MALRD1: variants seen among roughly 807,000 people sequenced by gnomAD.
MALRD1 encodes MAM and LDL-receptor class A domain-containing protein 1.
Under a neutral mutation model 242.1 loss-of-function variants are expected in MALRD1, and 247 were observed. That is an observed-to-expected ratio of 1.02 (90% confidence interval 0.92 to 1.13). The LOEUF (loss-of-function observed/expected upper bound fraction) is 1.13. MALRD1 is among the 50% of genes most tolerant of loss of function. The pLI is 0.00. For missense variants in MALRD1, 2,989 were observed against 2,533.1 expected, an observed-to-expected ratio of 1.18 and a Z score of -3.86; for synonymous variants, 995 against 866.6, an observed-to-expected ratio of 1.15 and a Z score of -2.60.
chr10:19,096,134 T>C (rs1836022786), intron 4 of MALRD1, among the ~76,000 whole-genome samples: 1 of 152,180 alleles, frequency 6.6e-6, no homozygotes. Flanking sequence ...GAGTGTTGAG[T>C]AGAGCTGGAA....
chr10:19,204,662 T>C (rs1460208789), intron 16 of MALRD1, among the ~76,000 whole-genome samples: 1 of 152,214 alleles, frequency 6.6e-6, no homozygotes, highest in East Asian at 1.9e-4. Flanking sequence ...TTAAGATTTC[T>C]TCCTCTTGTT....
intron 38 of MALRD1, among the ~76,000 whole-genome samples, chr10:19,729,893 C>A (rs576552296): frequency 6.6e-6 from 1 of 151,358 alleles, no homozygotes; most frequent in African/African-American, 2.4e-5. Flanking sequence ...CCCGCCACCA[C>A]GCCCGGCTAA....
At chr10:19,551,550 G>A (rs1835469839) in intron 32 of MALRD1, among the ~76,000 whole-genome samples, 1 of 152,130 alleles carries the variant, frequency 6.6e-6, no homozygotes, top group African/African-American at 2.4e-5. Flanking sequence ...CGCCTGCAAA[G>A]AGGGGTAATT....
chr10:19,304,793 C>T (rs1269547149), intron 21 of MALRD1, among the ~76,000 whole-genome samples: 1 of 151,634 alleles, frequency 6.6e-6, no homozygotes, highest in African/African-American at 2.4e-5. Context: ...TTTCTTGAAG[C>T]TTCATATTTA....
chr10:19,373,926 T>C (rs1023106163), intron 26 of MALRD1, among the ~76,000 whole-genome samples: 2 of 152,184 alleles, frequency 1.3e-5, no homozygotes, highest in Non-Finnish European at 2.9e-5. Context: ...ACTGGTCTGT[T>C]TCTCTCTCAC....
intron 31 of MALRD1, among the ~76,000 whole-genome samples, chr10:19,527,061 T>A (rs940637533): frequency 1.3e-5 from 2 of 152,198 alleles, no homozygotes; most frequent in African/African-American, 4.8e-5. Flanking sequence ...TATTACTGTT[T>A]CCATCTGTGT....
At chr10:19,234,075 C>A (rs1838197361) in intron 18 of MALRD1, among the ~76,000 whole-genome samples, 2 of 151,752 alleles carry the variant, frequency 1.3e-5, no homozygotes, top group African/African-American at 4.8e-5. Context: ...GAAATAGTAT[C>A]AAGACAGGAG....
chr10:19,512,269 A>T (rs1833438064), intron 31 of MALRD1, among the ~76,000 whole-genome samples: 1 of 152,146 alleles, frequency 6.6e-6, no homozygotes, highest in East Asian at 1.9e-4. Flanking sequence ...GCAATATTTC[A>T]TCATTTATAA....
Position 19,428,796 on chromosome 10 carries a change from G to A in MALRD1, c.4846-21511G>A, listed in dbSNP as rs1834003633. The stretch of plus-strand genomic sequence containing the variant: ...ATCCCATTTTGTATTTTCAGAATAA[G>A]ATGAAATTAGCTGTAGACTCTTTTA... On this transcript the variant is annotated intron_variant, in intron 28 of 39. Coordinates refer to ENST00000454679, the MANE Select transcript of MALRD1 (RefSeq NM_001142308.3). Among the ~76,000 whole-genome samples, 4 of 152,232 alleles carry A rather than the reference G, an allele frequency of 2.6e-5. No homozygotes were observed. In the South Asian group the frequency reaches 6.2e-4, roughly 24 times the overall value.
intron 12 of MALRD1, among the ~76,000 whole-genome samples, chr10:19,164,440 A>T (rs2131501166): frequency 6.6e-6 from 1 of 152,312 alleles, no homozygotes; most frequent in African/African-American, 2.4e-5. Context: ...AAGAATTTAA[A>T]ATATAATGAA....
chr10:19,679,375 G>A (rs984472536), intron 36 of MALRD1, among the ~76,000 whole-genome samples: 1 of 152,054 alleles, frequency 6.6e-6, no homozygotes, highest in Admixed American at 6.6e-5. Flanking sequence ...CTTCTTTCTG[G>A]TTCCGTCTTG....
At chr10:19,689,117 A>C (rs1842718928) in intron 36 of MALRD1, among the ~76,000 whole-genome samples, 1 of 152,240 alleles carries the variant, frequency 6.6e-6, no homozygotes, top group Non-Finnish European at 1.5e-5. Context: ...ATTTGTACAG[A>C]CATCTGACCT....
intron 18 of MALRD1, among the ~76,000 whole-genome samples, chr10:19,233,174 T>C (rs938464728): frequency 1.3e-5 from 2 of 152,174 alleles, no homozygotes; most frequent in African/African-American, 4.8e-5. Flanking sequence ...GAATGGGCTT[T>C]CCATCCCCTC....
At chr10:19,555,998 A>T (rs1285813825) in intron 32 of MALRD1, among the ~76,000 whole-genome samples, 2 of 152,146 alleles carry the variant, frequency 1.3e-5, no homozygotes, top group African/African-American at 4.8e-5. Context: ...TTGATGAGAC[A>T]TTTGTGTTTT....
chr10:19,065,590 A>G (rs1386252903), intron 1 of MALRD1, among the ~76,000 whole-genome samples: 1 of 152,118 alleles, frequency 6.6e-6, no homozygotes, highest in Non-Finnish European at 1.5e-5. Flanking sequence ...CCTCAAAAGG[A>G]CCATCTTTAC....
At chr10:19,694,268 C>G (rs1239936061) in intron 38 of MALRD1, among the ~76,000 whole-genome samples, 3 of 152,132 alleles carry the variant, frequency 2.0e-5, no homozygotes, top group Non-Finnish European at 2.9e-5. Context: ...GCAAAAGAAA[C>G]CGCCATCAGA....
At chr10:19,395,570 T>G (rs1846539136) in intron 28 of MALRD1, among the ~76,000 whole-genome samples, 1 of 152,150 alleles carries the variant, frequency 6.6e-6, no homozygotes, top group African/African-American at 2.4e-5. Flanking sequence ...GAGGCAGGTT[T>G]TCCCTAAGCA....
intron 2 of MALRD1, among the ~76,000 whole-genome samples, chr10:19,085,634 A>G (rs1391185688): frequency 2.6e-5 from 4 of 151,996 alleles, no homozygotes; most frequent in Non-Finnish European, 5.9e-5. Context: ...GCCATAACAC[A>G]TACCAAATGA....
chr10:19,358,010 A>T (rs1844710845), intron 26 of MALRD1, among the ~76,000 whole-genome samples: 1 of 151,996 alleles, frequency 6.6e-6, no homozygotes, highest in African/African-American at 2.4e-5. Context: ...GCTTATCTGG[A>T]TGGCAATTTT....
Sources: gnomAD v4.1 joint callset for allele counts (sites outside exome capture counted in the v4.1 genomes callset) on GRCh38, gnomAD v4.1.1 for gene constraint, MANE v1.5 for transcripts, NCBI Gene and HGNC (gene_info 2026-07-23, HGNC 2026-07-21) for gene names.